PARL: variants seen among roughly 807,000 people sequenced by gnomAD.
The protein encoded by PARL is presenilin-associated rhomboid-like protein, mitochondrial.
Under a neutral mutation model 51.6 loss-of-function variants are expected in PARL, and 44 were observed. That is an observed-to-expected ratio of 0.85 (90% confidence interval 0.67 to 1.10). The LOEUF (loss-of-function observed/expected upper bound fraction) is 1.10. PARL is among the 50% of genes least tolerant of loss of function. The pLI, the probability that PARL is intolerant of heterozygous loss-of-function variation, is 0.00. For synonymous variants in PARL, 172 were observed against 164.0 expected, an observed-to-expected ratio of 1.05 and a Z score of -0.37; for missense variants, 441 against 469.5, an observed-to-expected ratio of 0.94 and a Z score of 0.56.
intron 7 of PARL, among the ~76,000 whole-genome samples, chr3:183,837,033 G>T (rs768323331): frequency 6.6e-6 from 1 of 152,120 alleles, no homozygotes; most frequent in Non-Finnish European, 1.5e-5. Context: ...GAGCCACTGC[G>T]CCTGGGCTCA....
chr3:183,835,855 C>A (rs1203186015), intron 7 of PARL, among the ~76,000 whole-genome samples: 1 of 151,270 alleles, frequency 6.6e-6, no homozygotes, highest in Admixed American at 6.6e-5. Flanking sequence ...CAAAACAAAT[C>A]AAAATTACAC....
chr3:183,843,255 A>C, intron 5 of PARL: 1 of 985,330 alleles, frequency 1.0e-6, no homozygotes, highest in Non-Finnish European at 1.2e-6. Flanking sequence ...AGCAACCAAT[A>C]AAAACTCTCA....
intron 2 of PARL, 135 bp from the exon 3 acceptor site, chr3:183,866,900 A>G (rs1261927695): frequency 2.0e-5 from 14 of 691,970 alleles, no homozygotes; most frequent in South Asian, 1.2e-4. Flanking sequence ...GTGAAACCTA[A>G]TAAGTGAAAA....
chr3:183,843,914 C>T (rs1370338187), intron 5 of PARL, among the ~76,000 whole-genome samples: 1 of 152,054 alleles, frequency 6.6e-6, no homozygotes, highest in Non-Finnish European at 1.5e-5. Flanking sequence ...TGGCGGGCAC[C>T]TGTAATCCTA....
At chr3:183,842,638 T>A (rs1729463408) in intron 5 of PARL, among the ~76,000 whole-genome samples, 191 bp from the exon 6 acceptor site, 1 of 151,372 alleles carries the variant, frequency 6.6e-6, no homozygotes, top group Non-Finnish European at 1.5e-5. Flanking sequence ...TCAAACCCCA[T>A]CTCTATTAAA....
At chr3:183,844,192 A>C (rs765253533) in intron 5 of PARL, 39 bp downstream of exon 5, 1 of 1,312,792 alleles carries the variant, frequency 7.6e-7, no homozygotes, top group East Asian at 2.3e-5. Flanking sequence ...CTTTCATATT[A>C]TTTCTACCTT....
At chr3:183,860,618 T>C (rs1051311902) in intron 4 of PARL, among the ~76,000 whole-genome samples, 4 of 152,180 alleles carry the variant, frequency 2.6e-5, no homozygotes, top group Admixed American at 6.6e-5. Context: ...GATTTTTAAT[T>C]ACCTCTAGCT....
intron 6 of PARL, among the ~76,000 whole-genome samples, chr3:183,840,905 C>T (rs1311851220): frequency 6.6e-6 from 1 of 152,084 alleles, no homozygotes; most frequent in Non-Finnish European, 1.5e-5. Context: ...GATTTCTACA[C>T]AGATAAACAG....
At chr3:183,856,187 T>C (rs1363921006) in intron 4 of PARL, among the ~76,000 whole-genome samples, 3 of 152,180 alleles carry the variant, frequency 2.0e-5, no homozygotes, top group Admixed American at 1.3e-4. Context: ...CCTCAGGTTA[T>C]CTTCCTCCTC....
chr3:183,859,478 T>C (rs955861778), intron 4 of PARL, among the ~76,000 whole-genome samples: 9 of 151,924 alleles, frequency 5.9e-5, no homozygotes, highest in Non-Finnish European at 1.0e-4. Context: ...GCTGGGATTA[T>C]AGGCATGCAC....
intron 4 of PARL, among the ~76,000 whole-genome samples, chr3:183,860,971 G>A (rs529081417): frequency 3.3e-5 from 5 of 152,068 alleles, no homozygotes; most frequent in East Asian, 3.9e-4. Context: ...GCACCACCAC[G>A]CCTAAGCTAA....
intron 1 of PARL, among the ~76,000 whole-genome samples, chr3:183,878,005 G>C (rs553558458): frequency 6.6e-6 from 1 of 152,172 alleles, no homozygotes; most frequent in Admixed American, 6.5e-5. Context: ...TGGTCAGGCC[G>C]GTCTCGAACT....
intron 1 of PARL, among the ~76,000 whole-genome samples, chr3:183,882,884 C>A (rs1734727319): frequency 6.6e-6 from 1 of 152,092 alleles, no homozygotes. Flanking sequence ...TTGGGTCATT[C>A]TTCTGCACGC....
intron 2 of PARL, 32 bp downstream of exon 2, chr3:183,867,833 G>A: frequency 6.7e-7 from 1 of 1,486,940 alleles, no homozygotes; most frequent in Non-Finnish European, 9.4e-7. Flanking sequence ...TTTCTAGCAA[G>A]GTAGGTAACT....
At chr3:183,848,862 A>C (rs1730254637) in intron 4 of PARL, among the ~76,000 whole-genome samples, 1 of 152,208 alleles carries the variant, frequency 6.6e-6, no homozygotes, top group Non-Finnish European at 1.5e-5. Context: ...ATTTCCATAG[A>C]AACTCTGAAA....
At chr3:183,827,934 C>T (rs1447755981), downstream of PARL, among the ~76,000 whole-genome samples, 1 of 148,256 alleles carries the variant, frequency 6.7e-6, no homozygotes, top group Non-Finnish European at 1.5e-5. Flanking sequence ...TTCCTAGGTA[C>T]CCCACACTTC....
At chr3:183,860,814 CTTTTTTTT>C (rs11405513) in intron 4 of PARL, among the ~76,000 whole-genome samples, 2 of 126,732 alleles carry the variant, frequency 1.6e-5, no homozygotes, top group Non-Finnish European at 3.2e-5. Context: ...AATTTCGTTA[CTTTTTTTT>C]TTTTTTTTTT....
intron 1 of PARL, among the ~76,000 whole-genome samples, chr3:183,882,234 T>TAA (rs1734565744): frequency 4.7e-5 from 1 of 21,074 alleles, no homozygotes; most frequent in Non-Finnish European, 9.6e-5. Flanking sequence ...TATATATATA[T>TAA]ATATATATAT....
intron 9 of PARL, among the ~76,000 whole-genome samples, chr3:183,831,595 G>A (rs964183211): frequency 6.6e-6 from 1 of 152,182 alleles, no homozygotes; most frequent in African/African-American, 2.4e-5. Context: ...TAGGCACACA[G>A]CAAATATTCA....
Sources: allele counts gnomAD v4.1 joint callset (sites outside exome capture counted in the v4.1 genomes callset), GRCh38; gene constraint gnomAD v4.1.1; transcripts MANE v1.5; gene names NCBI Gene and HGNC (gene_info 2026-07-23, HGNC 2026-07-21).